The following RHAG variants were observed in gnomAD, a reference collection of about 807,000 sequenced individuals.
RHAG encodes the protein Rh associated glycoprotein.
In RHAG, 25 loss-of-function variants were observed where a neutral mutation model predicts 42.4. The observed-to-expected ratio is 0.59, with a 90% CI of 0.43 to 0.82. RHAG has a LOEUF of 0.82. Among genes scored for constraint, RHAG ranks in the 40% least tolerant of loss-of-function variants. The pLI is 0.00. For missense variants in RHAG, 483 were observed against 504.6 expected (o/e 0.96, Z 0.41); for synonymous variants, 182 against 177.7 (o/e 1.02, Z -0.19).
chr6:49,607,014 C>A (rs1437294533), intron 8 of RHAG, 93 bp from the exon 9 acceptor site: 5 of 1,204,948 alleles, frequency 4.1e-6, no homozygotes, highest in Non-Finnish European at 4.9e-6. Context: ...AAATCATCCC[C>A]TTTAAATGAC....
intron 1 of RHAG, among the ~76,000 whole-genome samples, chr6:49,627,873 C>G (rs946447108): frequency 3.3e-4 from 50 of 152,130 alleles, no homozygotes; most frequent in African/African-American, 1.1e-3. Flanking sequence ...TTACCTTCCA[C>G]TGGGTCCCTC....
At chr6:49,618,749 G>A (rs1217049864) in intron 2 of RHAG, among the ~76,000 whole-genome samples, 1 of 152,008 alleles carries the variant, frequency 6.6e-6, no homozygotes, top group Non-Finnish European at 1.5e-5. Context: ...AAATGACAGG[G>A]GACTACCAGA....
chr6:49,634,829 A>G (rs1054536883), intron 1 of RHAG, among the ~76,000 whole-genome samples: 2 of 152,060 alleles, frequency 1.3e-5, no homozygotes, highest in Non-Finnish European at 2.9e-5. Flanking sequence ...ATTGACGTAT[A>G]CAATTATATA....
intron 1 of RHAG, among the ~76,000 whole-genome samples, chr6:49,624,483 G>T (rs1284296215): frequency 3.9e-5 from 6 of 152,206 alleles, no homozygotes; most frequent in Non-Finnish European, 8.8e-5. Context: ...GGGATTACAG[G>T]CATGAGCCAC....
intron 5 of RHAG, among the ~76,000 whole-genome samples, chr6:49,613,868 C>T (rs1028099710): frequency 6.6e-6 from 1 of 152,076 alleles, no homozygotes; most frequent in Non-Finnish European, 1.5e-5. Context: ...CTATTAAAGA[C>T]ATTTGAATTT....
intron 2 of RHAG, 131 bp from the exon 3 acceptor site, chr6:49,618,349 C>G: frequency 1.1e-6 from 1 of 898,280 alleles, no homozygotes; most frequent in Non-Finnish European, 1.8e-6. Context: ...CTTCCTTATT[C>G]CTCCTCTTTT....
intron 1 of RHAG, among the ~76,000 whole-genome samples, chr6:49,633,047 T>C (rs1762956442): frequency 6.6e-6 from 1 of 152,194 alleles, no homozygotes; most frequent in African/African-American, 2.4e-5. Context: ...CTTACGGTTG[T>C]GTGCAAACCC....
At chr6:49,606,146 A>C (rs574327651) in intron 9 of RHAG, among the ~76,000 whole-genome samples, 25 of 152,298 alleles carry the variant, frequency 1.6e-4, no homozygotes, top group African/African-American at 6.0e-4. Context: ...GGATAGAAAG[A>C]GGCTGATGTT....
At chr6:49,606,740 A>C (rs1203153142) in intron 9 of RHAG, 108 bp downstream of exon 9, 7 of 806,420 alleles carry the variant, frequency 8.7e-6, no homozygotes, top group Non-Finnish European at 4.3e-6. Context: ...ATGCCAGGCT[A>C]ACTCAATTTC....
In RHAG at chr6:49,613,069, A is replaced by AT. The variant is rs562332720; in HGVS notation, c.808-536dup. On this transcript the variant is annotated intron_variant, in intron 5 of 9. Transcript: ENST00000371175. ...TTGAGGATGAAGGAAAGAGGAACTGATTTTTTTTTTTTTTTTTCGAGATGG... is the reference window on the plus strand; with the variant it reads ...TTGAGGATGAAGGAAAGAGGAACTGATTTTTTTTTTTTTTTTTTCGAGATGG... Among the ~76,000 whole-genome samples, 731 of 137,620 alleles carry AT rather than the reference A, an allele frequency of 5.3e-3. 4 individuals carry two copies. The highest frequency in any genetic ancestry group is 7.3e-3 in the African/African-American group (273 of 37,270). The allele number at this position is 137,620 out of a possible 152,430, so 90.3% of individuals were successfully genotyped here. A position where few individuals can be genotyped will look rare whatever the true frequency, so the allele number is the denominator to read the frequency against.
At chr6:49,609,890 T>TA (rs202242073) in intron 7 of RHAG, among the ~76,000 whole-genome samples, 52 of 151,282 alleles carry the variant, frequency 3.4e-4, no homozygotes, top group African/African-American at 9.0e-4. Flanking sequence ...TATGCAGCCA[T>TA]AAAAAAAAAT....
At chr6:49,622,712 A>T (rs1250747384) in intron 1 of RHAG, among the ~76,000 whole-genome samples, 1 of 152,192 alleles carries the variant, frequency 6.6e-6, no homozygotes, top group Non-Finnish European at 1.5e-5. Context: ...CAGCAGTGTG[A>T]AAACGAACTA....
intron 1 of RHAG, among the ~76,000 whole-genome samples, chr6:49,627,086 C>T (rs1468538095): frequency 3.3e-5 from 5 of 152,164 alleles, no homozygotes; most frequent in African/African-American, 1.2e-4. Context: ...TCTGACATGC[C>T]CTGGTGACAT....
intron 1 of RHAG, among the ~76,000 whole-genome samples, chr6:49,627,853 C>T (rs990537738): frequency 5.3e-5 from 8 of 152,088 alleles, no homozygotes; most frequent in African/African-American, 1.4e-4. Flanking sequence ...GACTTGCCCT[C>T]ATGATTCAAT....
At chr6:49,621,469 C>T (rs181041277) in intron 1 of RHAG, among the ~76,000 whole-genome samples, 108 of 152,234 alleles carry the variant, frequency 7.1e-4, no homozygotes, top group East Asian at 4.5e-3. Flanking sequence ...CCTTCTCTGC[C>T]CAAATTCTTT....
At chr6:49,628,169 G>A (rs1195888250) in intron 1 of RHAG, among the ~76,000 whole-genome samples, 1 of 151,884 alleles carries the variant, frequency 6.6e-6, no homozygotes, top group South Asian at 2.1e-4. Flanking sequence ...CACAGAGAGA[G>A]AGAGAGAGAC....
At chr6:49,618,808 T>C (rs1762700314) in intron 2 of RHAG, among the ~76,000 whole-genome samples, 1 of 152,228 alleles carries the variant, frequency 6.6e-6, no homozygotes, top group South Asian at 2.1e-4. Context: ...AGAATTGTCT[T>C]AGTCTGCTTG....
intron 4 of RHAG, 153 bp from the exon 5 acceptor site, chr6:49,615,006 G>T: frequency 1.4e-6 from 1 of 710,672 alleles, no homozygotes; most frequent in Non-Finnish European, 2.3e-6. Flanking sequence ...GGAGTGCAGT[G>T]GCTTGATCTC....
intron 1 of RHAG, among the ~76,000 whole-genome samples, chr6:49,634,027 A>G (rs1275461537): frequency 6.6e-6 from 1 of 152,132 alleles, no homozygotes; most frequent in Non-Finnish European, 1.5e-5. Context: ...TATGGGATAC[A>G]TGTGGATGGT....
Sources: gnomAD v4.1 joint callset for allele counts (sites outside exome capture counted in the v4.1 genomes callset) on GRCh38, gnomAD v4.1.1 for gene constraint, MANE v1.5 for transcripts, NCBI Gene and HGNC (gene_info 2026-07-23, HGNC 2026-07-21) for gene names.